SLC24A4: variants seen among roughly 807,000 people sequenced by gnomAD.
The protein encoded by SLC24A4 is sodium/potassium/calcium exchanger 4.
SLC24A4 carries 53 observed loss-of-function variants against 79.0 expected under a neutral mutation model. The ratio of observed to expected loss-of-function variants is 0.67; its 90% CI spans 0.54 to 0.84. The LOEUF (loss-of-function observed/expected upper bound fraction) is 0.84, where lower values mean the gene tolerates loss of function less well. Ranked by LOEUF, SLC24A4 falls within the 40% of genes least tolerant of loss-of-function variation. The probability of loss-of-function intolerance (pLI) is 0.00; values close to 1 mark genes in which losing one functional copy is unlikely to be tolerated. For missense variants in SLC24A4, 731 were observed against 822.0 expected, an observed-to-expected ratio of 0.89 and a Z score of 1.35; for synonymous variants, 323 against 323.8, an observed-to-expected ratio of 1.00 and a Z score of 0.03.
chr14:92,396,623 C>G (rs1889794982), intron 2 of SLC24A4, among the ~76,000 whole-genome samples: 1 of 152,192 alleles, frequency 6.6e-6, no homozygotes, highest in Non-Finnish European at 1.5e-5. Flanking sequence ...CAAAACACAC[C>G]TGCTGCTGCT....
intron 2 of SLC24A4, among the ~76,000 whole-genome samples, chr14:92,336,188 T>A (rs1385174623): frequency 6.6e-6 from 1 of 151,816 alleles, no homozygotes; most frequent in East Asian, 1.9e-4. Context: ...AAATGGAAAT[T>A]ATAAAGCATT....
chr14:92,455,402 A>G (rs1351991700), intron 11 of SLC24A4, among the ~76,000 whole-genome samples: 3 of 152,272 alleles, frequency 2.0e-5, no homozygotes, highest in Non-Finnish European at 2.9e-5. Context: ...GTTATTCAAT[A>G]TAATAGAATA....
chr14:92,334,961 C>T (rs76087223), intron 2 of SLC24A4, among the ~76,000 whole-genome samples: 1,719 of 152,066 alleles, frequency 0.011, 45 homozygotes, highest in African/African-American at 0.039. Flanking sequence ...CTATGTTGGG[C>T]GCTATTCTAA....
chr14:92,423,445 C>T (rs7149741), intron 2 of SLC24A4, among the ~76,000 whole-genome samples: 63,555 of 152,076 alleles, frequency 0.42, 13,514 homozygotes, highest in Non-Finnish European at 0.44. Context: ...CAGGTGTGAG[C>T]TACCACGCCC....
intron 2 of SLC24A4, among the ~76,000 whole-genome samples, chr14:92,409,516 A>G (rs1225774622): frequency 1.3e-5 from 2 of 152,190 alleles, no homozygotes; most frequent in Non-Finnish European, 2.9e-5. Flanking sequence ...TTGAAGGATA[A>G]CATACCTATG....
intron 2 of SLC24A4, among the ~76,000 whole-genome samples, chr14:92,363,006 G>A (rs1293723513): frequency 1.3e-5 from 2 of 152,164 alleles, no homozygotes; most frequent in Non-Finnish European, 2.9e-5. Flanking sequence ...CCTCCTCCCT[G>A]CTTGTGCCAA....
At chr14:92,369,192 G>A (rs917785426) in intron 2 of SLC24A4, among the ~76,000 whole-genome samples, 3 of 152,178 alleles carry the variant, frequency 2.0e-5, no homozygotes, top group East Asian at 3.8e-4. Flanking sequence ...ACAGGCAGAC[G>A]TCCCAGGAAA....
chr14:92,404,863 C>T (rs1890291885), intron 2 of SLC24A4, among the ~76,000 whole-genome samples: 1 of 152,188 alleles, frequency 6.6e-6, no homozygotes, highest in African/African-American at 2.4e-5. Flanking sequence ...CTCTTGTCCT[C>T]TCCTTTATTC....
chr14:92,326,871 G>T (rs929507043), intron 2 of SLC24A4, among the ~76,000 whole-genome samples: 3 of 152,148 alleles, frequency 2.0e-5, no homozygotes, highest in African/African-American at 7.2e-5. Context: ...CCTGTAAATG[G>T]GCAGAATAGT....
chr14:92,386,826 G>A (rs923001568), intron 2 of SLC24A4, among the ~76,000 whole-genome samples: 2 of 152,214 alleles, frequency 1.3e-5, no homozygotes, highest in African/African-American at 4.8e-5. Context: ...GGCCTGTGAC[G>A]CTAACCTTGA....
At chr14:92,370,142 G>A (rs1418840737) in intron 2 of SLC24A4, among the ~76,000 whole-genome samples, 1 of 152,104 alleles carries the variant, frequency 6.6e-6, no homozygotes, top group Non-Finnish European at 1.5e-5. Context: ...TATCCTTCTG[G>A]TAAGAGATAG....
chr14:92,366,003 G>A (rs1266049920), intron 2 of SLC24A4, among the ~76,000 whole-genome samples: 6 of 152,200 alleles, frequency 3.9e-5, no homozygotes, highest in Admixed American at 2.0e-4. Flanking sequence ...TGGCAGGCAC[G>A]GTTACAAATC....
intron 2 of SLC24A4, among the ~76,000 whole-genome samples, chr14:92,415,457 T>A (rs1890929308): frequency 1.3e-5 from 2 of 152,222 alleles, no homozygotes; most frequent in Admixed American, 6.5e-5. Context: ...TTTATTTATT[T>A]ATTATTTATT....
chr14:92,386,770 T>G (rs950251793), intron 2 of SLC24A4, among the ~76,000 whole-genome samples: 20 of 152,314 alleles, frequency 1.3e-4, no homozygotes, highest in African/African-American at 4.8e-4. Context: ...TGAGCAGAAC[T>G]AGGATTTTGT....
chr14:92,476,751 C>T (rs777881599), intron 12 of SLC24A4, among the ~76,000 whole-genome samples: 19 of 152,220 alleles, frequency 1.2e-4, no homozygotes, highest in African/African-American at 2.6e-4. Context: ...ATCTACTTTC[C>T]GTCTCTATGA....
At chr14:92,406,661 C>T (rs1363244352) in intron 2 of SLC24A4, among the ~76,000 whole-genome samples, 1 of 152,208 alleles carries the variant, frequency 6.6e-6, no homozygotes, top group African/African-American at 2.4e-5. Flanking sequence ...TTGAGCTGTG[C>T]CTTGGCCCCT....
intron 2 of SLC24A4, among the ~76,000 whole-genome samples, chr14:92,406,788 C>T (rs1890406006): frequency 7.4e-6 from 1 of 135,544 alleles, no homozygotes; most frequent in East Asian, 2.1e-4. Flanking sequence ...CCTAGGCCTC[C>T]AGGCTTGTGA....
intron 2 of SLC24A4, among the ~76,000 whole-genome samples, chr14:92,415,077 C>T (rs1890909230): frequency 6.6e-6 from 1 of 152,300 alleles, no homozygotes; most frequent in South Asian, 2.1e-4. Context: ...CGGTTCACCT[C>T]GTGCTGGCAG....
In SLC24A4 at chr14:92,500,467, A is replaced by C. The variant is rs1896118662; in HGVS notation, c.*6839A>C. The C allele has an allele frequency of 6.6e-6, 1 of 152,252 alleles. No homozygotes were observed. The highest frequency in any genetic ancestry group is 2.1e-4 in the South Asian group (1 of 4,840). The allele number at this position is 152,252 out of a possible 1,614,324, so 9.4% of individuals were successfully genotyped here. A position where few individuals can be genotyped will look rare whatever the true frequency, so the allele number is the denominator to read the frequency against. On this transcript the variant is annotated 3_prime_UTR_variant, in exon 17 of 17. Transcript: ENST00000532405. ...AAGAGAGGACTTTTCCCCTCCTGAA[A>C]AATGACTGGAGTGTGAACAAGGCAG... is the stretch of plus-strand genomic sequence containing the variant.
Sources: gnomAD v4.1 joint callset for allele counts (sites outside exome capture counted in the v4.1 genomes callset) on GRCh38, gnomAD v4.1.1 for gene constraint, MANE v1.5 for transcripts, NCBI Gene and HGNC (gene_info 2026-07-23, HGNC 2026-07-21) for gene names.